TMEM135: variants seen among roughly 807,000 people sequenced by gnomAD.
TMEM135 encodes peroxisomal membrane protein 52.
TMEM135 carries 30 observed loss-of-function variants against 60.3 expected under a neutral mutation model. That is an observed-to-expected ratio of 0.50 (90% CI 0.37 to 0.68). The LOEUF is 0.68. Among genes scored for constraint, TMEM135 ranks in the 30% least tolerant of loss-of-function variants. The probability of loss-of-function intolerance (pLI) is 0.00; values close to 1 mark genes in which losing one functional copy is unlikely to be tolerated. For synonymous variants in TMEM135, 190 were observed against 186.7 expected, an observed-to-expected ratio of 1.02 and a Z score of -0.14; for missense variants, 468 against 548.8, an observed-to-expected ratio of 0.85 and a Z score of 1.47.
Position 87,043,687 on chromosome 11 carries a change from C to T in TMEM135, c.141+5501C>T, listed in dbSNP as rs756990376. Among the ~76,000 whole-genome samples, 66 of 152,066 alleles carry T rather than the reference C, an allele frequency of 4.3e-4. No individual in the cohort carries two copies. The Middle Eastern group carries it at 0.014, about 31-fold the overall frequency. ...GTACTGAGCAGAGATCACGCCACTG[C>T]ACTCCAGCCTGGCAACAGAGCGAGA... On this transcript the variant is annotated intron_variant, in intron 1 of 14. Transcript: ENST00000305494.
chr11:87,194,260 A>T (rs1157362249), intron 5 of TMEM135, among the ~76,000 whole-genome samples: 2 of 152,208 alleles, frequency 1.3e-5, no homozygotes, highest in Admixed American at 1.3e-4. Context: ...TCTTGCACGT[A>T]TTCTTAAAAT....
chr11:87,275,538 A>G (rs1205824149), intron 6 of TMEM135, among the ~76,000 whole-genome samples: 1 of 152,200 alleles, frequency 6.6e-6, no homozygotes, highest in Non-Finnish European at 1.5e-5. Flanking sequence ...CTGGCAGGAT[A>G]CTGAAAACCT....
chr11:87,245,176 A>C (rs1170109776), intron 6 of TMEM135, among the ~76,000 whole-genome samples: 2 of 150,710 alleles, frequency 1.3e-5, no homozygotes, highest in East Asian at 1.9e-4. Context: ...TGAGTTTCTT[A>C]ATCCTGAGTT....
chr11:87,202,475 C>T (rs1470148735), intron 5 of TMEM135, among the ~76,000 whole-genome samples: 1 of 151,972 alleles, frequency 6.6e-6, no homozygotes. Context: ...ACACACATGC[C>T]CTACCGTGTC....
intron 5 of TMEM135, among the ~76,000 whole-genome samples, chr11:87,173,680 T>C (rs1270908932): frequency 2.0e-5 from 3 of 152,190 alleles, no homozygotes; most frequent in African/African-American, 7.2e-5. Flanking sequence ...ATATGTTGTA[T>C]TATTTTCTAT....
intron 6 of TMEM135, among the ~76,000 whole-genome samples, chr11:87,258,596 T>C (rs937570371): frequency 2.6e-5 from 4 of 152,156 alleles, no homozygotes; most frequent in African/African-American, 7.2e-5. Context: ...AAAGAGTGTG[T>C]GGCCAGAGCT....
chr11:87,082,802 T>A (rs908471856), intron 3 of TMEM135, among the ~76,000 whole-genome samples: 1 of 152,246 alleles, frequency 6.6e-6, no homozygotes, highest in Non-Finnish European at 1.5e-5. Context: ...CATATTGTGA[T>A]GACTAGCAGT....
chr11:87,311,163 AAATT>A (rs1404618361), intron 10 of TMEM135, among the ~76,000 whole-genome samples: 1 of 151,708 alleles, frequency 6.6e-6, no homozygotes, highest in Admixed American at 6.6e-5. Context: ...AATGCAGAGA[AAATT>A]AATGATGGGA....
chr11:87,226,834 CAG>C (rs1940774817), intron 5 of TMEM135, among the ~76,000 whole-genome samples: 1 of 152,110 alleles, frequency 6.6e-6, no homozygotes, highest in African/African-American at 2.4e-5. Context: ...CACCTGATAT[CAG>C]GGGTTTGAGA....
At chr11:87,289,052 T>C (rs1942217318) in intron 6 of TMEM135, among the ~76,000 whole-genome samples, 1 of 152,232 alleles carries the variant, frequency 6.6e-6, no homozygotes, top group South Asian at 2.1e-4. Flanking sequence ...ATTGACACAT[T>C]AACTTTATTG....
intron 14 of TMEM135, among the ~76,000 whole-genome samples, chr11:87,320,041 G>T (rs1207199850): frequency 1.3e-5 from 2 of 152,114 alleles, no homozygotes; most frequent in African/African-American, 4.8e-5. Context: ...GTAGCGCTGG[G>T]TAAATTGCAT....
chr11:87,078,964 C>T (rs977896632), intron 3 of TMEM135, among the ~76,000 whole-genome samples: 3 of 151,766 alleles, frequency 2.0e-5, no homozygotes, highest in Non-Finnish European at 2.9e-5. Flanking sequence ...ATTACCAAGA[C>T]GAATATTTAG....
Position 87,326,635 on chromosome 11 carries a change from C to T in TMEM135, c.*5302C>T. ...CTATTCTTTTCTTTACCTTTCCTGG[C>T]CCATGCTTTCCTGCCATATCTTTGC... On this transcript the variant is annotated 3_prime_UTR_variant, in exon 15 of 15. Transcript: ENST00000305494. The T allele has an allele frequency of 2.2e-6, 1 of 454,022 alleles. No individual in the cohort carries two copies. Among genetic ancestry groups the T allele is most frequent in the Non-Finnish European group, 4.4e-6 (1 of 226,772 alleles). 28.1% of individuals were successfully genotyped at this position (454,022 alleles called of 1,614,324 possible). A position where few individuals can be genotyped will look rare whatever the true frequency, so the allele number is the denominator to read the frequency against.
At chr11:87,194,464 T>C (rs1430592894) in intron 5 of TMEM135, among the ~76,000 whole-genome samples, 1 of 152,206 alleles carries the variant, frequency 6.6e-6, no homozygotes, top group Non-Finnish European at 1.5e-5. Flanking sequence ...TTTACTACTA[T>C]TTACTTGTAC....
At chr11:87,121,482 G>A (rs1858055243) in intron 4 of TMEM135, 1 of 152,042 alleles carries the variant, frequency 6.6e-6, no homozygotes, top group African/African-American at 2.4e-5. Flanking sequence ...GGAGTGGTAT[G>A]AGATGGGACT....
rs1437100200 is a variant in TMEM135, at chr11:87,314,530, GCGTCC to G, written c.1061_1065del (p.Ala354GlufsTer12). On this transcript the variant is annotated frameshift_variant, in exon 12 of 15. Coordinates refer to ENST00000305494, the MANE Select transcript of TMEM135 (RefSeq NM_022918.4). LOFTEE classifies it high-confidence loss of function. ...AAGCACAACAATTTCCATGTATTTA[GCGTCC>G]AAATTGGTAGAGGTAAGCGAAATTT... 1.2e-6 allele frequency: 2 copies of G among 1,610,786 alleles called. No individual in the cohort carries two copies. Among genetic ancestry groups the G allele is most frequent in the Admixed American group, 3.3e-5 (2 of 59,814 alleles).
intron 4 of TMEM135, among the ~76,000 whole-genome samples, chr11:87,111,592 A>G (rs558932665): frequency 6.7e-6 from 1 of 149,634 alleles, no homozygotes; most frequent in Non-Finnish European, 1.5e-5. Context: ...TGGAGCTTGC[A>G]GTGAGCTGAG....
intron 4 of TMEM135, among the ~76,000 whole-genome samples, chr11:87,105,335 T>C (rs1288100118): frequency 2.0e-5 from 3 of 152,172 alleles, no homozygotes; most frequent in South Asian, 4.2e-4. Flanking sequence ...TAGATTCTCA[T>C]AGGATCCCGA....
At chr11:87,064,326 C>T (rs1856602988) in intron 1 of TMEM135, among the ~76,000 whole-genome samples, 1 of 150,970 alleles carries the variant, frequency 6.6e-6, no homozygotes, top group Admixed American at 6.6e-5. Context: ...GATTCACATG[C>T]AGTTGTAAGA....
Sources: allele counts gnomAD v4.1 joint callset (sites outside exome capture counted in the v4.1 genomes callset), GRCh38; gene constraint gnomAD v4.1.1; transcripts MANE v1.5; gene names NCBI Gene and HGNC (gene_info 2026-07-23, HGNC 2026-07-21).